MYH11: variants seen among roughly 807,000 people sequenced by gnomAD.
The protein encoded by MYH11 is myosin-11.
MYH11 carries 80 observed loss-of-function variants against 246.6 expected under a neutral mutation model. That is an observed-to-expected ratio of 0.32 (90% CI 0.27 to 0.39). The LOEUF is 0.39. MYH11 is among the 10% of genes least tolerant of loss of function. The probability of loss-of-function intolerance (pLI) is 1.00; values close to 1 mark genes in which losing one functional copy is unlikely to be tolerated. For missense variants in MYH11, 2,158 were observed against 2,546.8 expected (o/e 0.85, Z 3.29); for synonymous variants, 1,071 against 1,015.5 (o/e 1.05, Z -1.04).
intron 2 of MYH11, among the ~76,000 whole-genome samples, chr16:15,831,400 AG>A (rs2043731890): frequency 6.6e-6 from 1 of 151,912 alleles, no homozygotes; most frequent in Non-Finnish European, 1.5e-5. Context: ...ACTATAAGGT[AG>A]GGTTAAGTGG....
intron 5 of MYH11, 40 bp downstream of exon 5, chr16:15,786,590 T>C (rs1567760921): frequency 6.3e-7 from 1 of 1,577,576 alleles, no homozygotes; most frequent in Non-Finnish European, 8.7e-7. Flanking sequence ...TGGAGACCGG[T>C]TGGCTAAATC....
Position 15,732,749 on chromosome 16 carries a change from C to T in MYH11, c.3507-41G>A, listed in dbSNP as rs200514794. 7.7e-5 allele frequency: 125 copies of T among 1,613,104 alleles called. No individual in the cohort carries two copies. In the African/African-American group the frequency reaches 1.5e-3, roughly 20 times the overall value. On this transcript the variant is annotated intron_variant, in intron 26 of 40. Transcript: ENST00000300036. ...ACAGTGAATGGCAGTTGGGTGGAGA[C>T]AGAGGGTCATCTCAGTGCCGTGCAA...
intron 10 of MYH11, among the ~76,000 whole-genome samples, chr16:15,763,526 A>G (rs1317058310): frequency 6.6e-6 from 1 of 152,124 alleles, no homozygotes; most frequent in African/African-American, 2.4e-5. Flanking sequence ...CGTCTCTATT[A>G]AAACTTGTAA....
intron 10 of MYH11, 55 bp downstream of exon 10, chr16:15,763,741 T>TGGGGGGCCC: frequency 1.1e-5 from 7 of 646,832 alleles, no homozygotes; most frequent in Non-Finnish European, 8.7e-6. Flanking sequence ...AAATGTCACC[T>TGGGGGGCCC]CCCCCACCCC....
chr16:15,721,454 G>A lies in MYH11; in HGVS notation c.4546C>T (p.Leu1516=), dbSNP rs2151210506. ...NKMLKAEMED[L]VSSKDDVGKN... ...CCCACGTCATCCTTGGAGCTGACCA[G>A]GTCTTCCATTTCGGCTTTGAGCATT... Residue 1516 remains leucine (L), a synonymous_variant, in exon 32 of 41, where the codon CTG becomes TTG. Transcript: ENST00000300036. 2 of 1,614,224 alleles carry A rather than the reference G, an allele frequency of 1.2e-6. No individual in the cohort carries two copies. The highest frequency in any genetic ancestry group is 1.7e-6 in the Non-Finnish European group (2 of 1,180,050).
At chr16:15,824,173 C>A (rs1045664298) in intron 2 of MYH11, among the ~76,000 whole-genome samples, 1 of 152,070 alleles carries the variant, frequency 6.6e-6, no homozygotes, top group Admixed American at 6.6e-5. Flanking sequence ...AACTCAGGAA[C>A]ATTTAATAAA....
intron 8 of MYH11, among the ~76,000 whole-genome samples, chr16:15,772,237 G>A (rs2042120671): frequency 1.3e-5 from 2 of 151,608 alleles, no homozygotes; most frequent in Non-Finnish European, 2.9e-5. Context: ...GATTACAGGC[G>A]CCCGCCACCA....
chr16:15,705,362 C>A (rs1458713312), intron 40 of MYH11, among the ~76,000 whole-genome samples: 1 of 152,176 alleles, frequency 6.6e-6, no homozygotes, highest in East Asian at 1.9e-4. Context: ...CGCTGGTTCT[C>A]TCTTGAGTTT....
intron 3 of MYH11, among the ~76,000 whole-genome samples, chr16:15,804,093 T>C (rs2042953073): frequency 6.6e-6 from 1 of 152,152 alleles, no homozygotes; most frequent in Non-Finnish European, 1.5e-5. Flanking sequence ...GCAGTTTCAC[T>C]CCCTCCTTGC....
At chr16:15,810,254 C>T (rs1407497135) in intron 3 of MYH11, among the ~76,000 whole-genome samples, 3 of 151,848 alleles carry the variant, frequency 2.0e-5, no homozygotes, top group East Asian at 3.9e-4. Flanking sequence ...AGGCTGGTCT[C>T]GAACTCCTGA....
At position 15,724,902 on chromosome 16, in the gene MYH11, G is replaced by T. The variant is rs141159831; in HGVS notation, c.3949C>A (p.Leu1317Ile). The T allele has an allele frequency of 1.0e-3, 1,615 of 1,614,112 alleles. 15 individuals carry two copies. In the African/African-American group the frequency reaches 0.02, roughly 20 times the overall value. Residue 1317 changes from leucine to isoleucine, a missense_variant, in exon 29 of 41, where the codon CTC (leucine) becomes ATC (isoleucine). Leu to Ile is a conservative substitution (Grantham distance 5). Around this residue, in one of 11 missense-constraint regions of MYH11, gnomAD observed 1,013 missense variants for 993.5 expected, o/e 1.02. Transcript: ENST00000300036. ...AGGACACTCACCTGGGTGTCCTGGA[G>T]CTGGGAACTGAGGGACGCCACGTCC... ...AKDVASLSSQ[L>I]QDTQELLQEE...
At chr16:15,840,174 C>CA (rs2151383751) in intron 1 of MYH11, among the ~76,000 whole-genome samples, 1 of 152,210 alleles carries the variant, frequency 6.6e-6, no homozygotes, top group South Asian at 2.1e-4. Context: ...TCCCTGTGGT[C>CA]ATGGTGGTGC....
chr16:15,741,803 T>G lies in MYH11; in HGVS notation c.2609A>C (p.Lys870Thr), dbSNP rs867202175. ...ELQKTKERQQ[K>T]AENELKELEQ... Reference sequence around the variant, plus strand: ...CAGCTCCTTAAGCTCATTCTCTGCCTTCTGCTGCCGCTCCTTGGTCTTCTG... The same window carrying G: ...CAGCTCCTTAAGCTCATTCTCTGCCGTCTGCTGCCGCTCCTTGGTCTTCTG... The change falls in exon 21 of 41, where the codon AAG (lysine) becomes ACG (threonine). Residue 870 changes from lysine to threonine, a missense_variant. Lys to Thr is a moderately conservative substitution (Grantham distance 78). Transcript: ENST00000300036. 1 of 1,614,224 alleles carries G rather than the reference T, an allele frequency of 6.2e-7. No individual in the cohort carries two copies. The highest frequency in any genetic ancestry group is 8.5e-7 in the Non-Finnish European group (1 of 1,180,050).
chr16:15,768,637 C>A (rs1194311155), intron 9 of MYH11, among the ~76,000 whole-genome samples: 5 of 152,196 alleles, frequency 3.3e-5, no homozygotes, highest in Non-Finnish European at 7.4e-5. Context: ...TTTAAATTTA[C>A]TTCCTTCTCT....
At chr16:15,835,371 A>G (rs1351101017) in intron 2 of MYH11, among the ~76,000 whole-genome samples, 1 of 152,244 alleles carries the variant, frequency 6.6e-6, no homozygotes, top group African/African-American at 2.4e-5. Flanking sequence ...AAAGAGACAA[A>G]GAATGCACCG....
chr16:15,822,444 C>A (rs2043439041), intron 3 of MYH11, among the ~76,000 whole-genome samples: 1 of 151,992 alleles, frequency 6.6e-6, no homozygotes, highest in South Asian at 2.1e-4. Context: ...TTTGGGAGGC[C>A]AAAGTGGGAG....
rs747217502 is a variant in MYH11, at chr16:15,757,889, C to G, written c.1513G>C (p.Glu505Gln). The change falls in exon 13 of 41, where the codon GAG becomes CAG. Residue 505 changes from glutamate (E) to glutamine (Q), a missense_variant. Transcript: ENST00000300036. ...AGCCCAAAGTCGATGAAGTTCCACT[C>G]GATGCCCTCGCGCTGGTACTCCTCC... is the stretch of plus-strand genomic sequence containing the variant. ...EQEEYQREGIEWNFIDFGLDL... is the reference protein window; with the variant it reads ...EQEEYQREGIQWNFIDFGLDL... The G allele has an allele frequency of 1.2e-6, 2 of 1,614,196 alleles. No homozygotes were observed. Among genetic ancestry groups the G allele is most frequent in the Non-Finnish European group, 1.7e-6 (2 of 1,180,034 alleles).
intron 23 of MYH11, among the ~76,000 whole-genome samples, chr16:15,738,902 G>A (rs1158778989): frequency 6.6e-6 from 1 of 152,092 alleles, no homozygotes; most frequent in African/African-American, 2.4e-5. Context: ...CATATTGTAT[G>A]GTCAGCTAAA....
At chr16:15,815,440 G>T (rs2043240983) in intron 3 of MYH11, among the ~76,000 whole-genome samples, 1 of 151,868 alleles carries the variant, frequency 6.6e-6, no homozygotes, top group African/African-American at 2.4e-5. Flanking sequence ...CGCAATGGAA[G>T]GGTTAGGGAA....
Sources: gnomAD v4.1 joint callset for allele counts (sites outside exome capture counted in the v4.1 genomes callset) on GRCh38, gnomAD v4.1.1 for gene constraint, gnomAD v4.1.1 regional missense constraint, MANE v1.5 for transcripts, NCBI Gene and HGNC (gene_info 2026-07-23, HGNC 2026-07-21) for gene names.